The following CCN6 variants were observed in gnomAD, a reference collection of about 807,000 sequenced individuals.
CCN6 encodes CCN family member 6.
In CCN6, 31 loss-of-function variants were observed where a neutral mutation model predicts 37.4. That is an observed-to-expected ratio of 0.83 (90% CI 0.62 to 1.12). The LOEUF (loss-of-function observed/expected upper bound fraction) is 1.12, where lower values mean the gene tolerates loss of function less well. CCN6 is among the 50% of genes most tolerant of loss of function. CCN6 has a pLI of 0.00. For synonymous variants in CCN6, 137 were observed against 142.1 expected (o/e 0.96, Z 0.26); for missense variants, 369 against 413.8 (o/e 0.89, Z 0.94).
At position 112,054,340 on chromosome 6, in the gene CCN6, C is replaced by T. The variant is rs781870071; in HGVS notation, c.-18C>T. ...GCGACTTCTCTACCCCTCAGGGTGG[C>T]TCCACGGTCCCAGCGACATGCAGGG... On this transcript the variant is annotated 5_prime_UTR_variant, in exon 1 of 5. Transcript: ENST00000368666. 9 of 1,613,798 alleles carry T rather than the reference C, an allele frequency of 5.6e-6. No homozygotes were observed. The South Asian group carries it at 9.9e-5, about 18-fold the overall frequency.
In CCN6 at chr6:112,054,330, C is replaced by G; in HGVS notation, c.-28C>G. 1 of 1,613,974 alleles carries G rather than the reference C, an allele frequency of 6.2e-7. No homozygotes were observed. ...TGAACAAGCGGCGACTTCTCTACCC[C>G]TCAGGGTGGCTCCACGGTCCCAGCG... On this transcript the variant is annotated 5_prime_UTR_variant, in exon 1 of 5. Transcript: ENST00000368666.
At position 112,064,766 on chromosome 6, in the gene CCN6, G is replaced by C. The variant is rs782623338; in HGVS notation, c.358G>C (p.Val120Leu). ...ETGVCAYLVA[V>L]GCEFNQVHYH... is the part of the protein sequence containing the mutation. ...TTTTCTCTTTTCAGACCTTGTAGCT[G>C]TTGGGTGCGAGTTCAACCAGGTACA... The change falls in exon 3 of 5, where the codon GTT becomes CTT. Residue 120 changes from valine to leucine, a missense_variant. Val to Leu is a conservative substitution (Grantham distance 32, BLOSUM62 1). Transcript: ENST00000368666. The C allele has an allele frequency of 2.5e-6, 4 of 1,614,028 alleles. No homozygotes were observed. In the South Asian group the frequency reaches 4.4e-5, roughly 18 times the overall value.
intron 1 of CCN6, among the ~76,000 whole-genome samples, chr6:112,055,833 G>T (rs189558150): frequency 5.3e-4 from 80 of 152,186 alleles, no homozygotes; most frequent in African/African-American, 1.7e-3. Flanking sequence ...CAAGTGATCC[G>T]CCCACCTCGG....
rs1554314501 is a variant in CCN6 at position 112,068,291 on chromosome 6, G to A, written c.676G>A (p.Gly226Arg). ...WTPCSRTCGM[G>R]ISNRVTNENS... ...TCCCTGCTCCAGAACATGTGGGATG[G>A]GAATATCTAACAGGGTGACCAATGA... is the stretch of plus-strand genomic sequence containing the variant. The change falls in exon 4 of 5, where the codon GGA becomes AGA. Residue 226 changes from glycine to arginine, a missense_variant. By Grantham distance (125) the Gly-to-Arg change is moderately radical. Coordinates refer to ENST00000368666, the MANE Select transcript of CCN6 (RefSeq NM_198239.2). 1 of 1,613,138 alleles carries A rather than the reference G, an allele frequency of 6.2e-7. No individual in the cohort carries two copies. The highest frequency in any genetic ancestry group is 1.7e-5 in the Admixed American group (1 of 59,900).
Position 112,069,524 on chromosome 6 carries a change from G to T in CCN6, c.969G>T (p.Gly323=), listed in dbSNP as rs1776813146. Residue 323 remains glycine (G), a synonymous_variant, in exon 5 of 5, where the codon GGG becomes GGT. Transcript: ENST00000368666. ...ITIQFDCPNE[G]SFKWKMLWIT... The stretch of plus-strand genomic sequence containing the variant: ...TTCAATTTGATTGCCCAAATGAGGG[G>T]TCATTTAAATGGAAGATGCTGTGGA... 1 of 1,613,566 alleles carries T rather than the reference G, an allele frequency of 6.2e-7. No individual in the cohort carries two copies. The highest frequency in any genetic ancestry group is 8.5e-7 in the Non-Finnish European group (1 of 1,179,668).
chr6:112,065,086 T>C (rs1248283701), intron 3 of CCN6, 89 bp downstream of exon 3: 1 of 1,587,744 alleles, frequency 6.3e-7, no homozygotes, highest in Admixed American at 1.7e-5. Context: ...CAGTAAGTAC[T>C]TGTTGATTGG....
upstream of CCN6, among the ~76,000 whole-genome samples, chr6:112,053,469 G>A (rs1554311088): frequency 6.7e-6 from 1 of 149,216 alleles, no homozygotes; most frequent in Non-Finnish European, 1.5e-5. Flanking sequence ...GCTAATTTTT[G>A]TGTCTTTTTT....
chr6:112,068,547 A>G, intron 4 of CCN6, 149 bp downstream of exon 4: 1 of 786,968 alleles, frequency 1.3e-6, no homozygotes, highest in East Asian at 2.8e-5. Flanking sequence ...ATTTCAGAGG[A>G]AAACAGGTAT....
At chr6:112,067,369 C>G (rs1456141860) in intron 3 of CCN6, among the ~76,000 whole-genome samples, 1 of 152,064 alleles carries the variant, frequency 6.6e-6, no homozygotes, top group Non-Finnish European at 1.5e-5. Flanking sequence ...GGGCCTGATT[C>G]ATTTATAAGA....
At chr6:112,057,864 T>C (rs1776393597) in intron 1 of CCN6, among the ~76,000 whole-genome samples, 1 of 151,864 alleles carries the variant, frequency 6.6e-6, no homozygotes, top group African/African-American at 2.4e-5. Flanking sequence ...ATTGAGAAAG[T>C]GCGTTGAAAA....
Position 112,054,304 on chromosome 6 carries a change from A to G in CCN6, c.-54A>G. ...AGGGGAGCTTTGTGTACCCGGAGCAATGAACAAGCGGCGACTTCTCTACCC... is the reference window on the plus strand; with the variant it reads ...AGGGGAGCTTTGTGTACCCGGAGCAGTGAACAAGCGGCGACTTCTCTACCC... On this transcript the variant is annotated 5_prime_UTR_variant, in exon 1 of 5. It removes an upstream start codon present in the reference 5' UTR. Transcript: ENST00000368666. 4 of 1,614,024 alleles carry G rather than the reference A, an allele frequency of 2.5e-6. No individual in the cohort carries two copies. The highest frequency in any genetic ancestry group is 3.4e-6 in the Non-Finnish European group (4 of 1,179,972).
At chr6:112,058,206 C>CT (rs1554312138) in intron 1 of CCN6, among the ~76,000 whole-genome samples, 1 of 152,194 alleles carries the variant, frequency 6.6e-6, no homozygotes, top group Non-Finnish European at 1.5e-5. Flanking sequence ...AACCCATTCT[C>CT]ACGTTGTGCA....
At chr6:112,056,157 T>C (rs1776342706) in intron 1 of CCN6, among the ~76,000 whole-genome samples, 1 of 152,226 alleles carries the variant, frequency 6.6e-6, no homozygotes, top group Admixed American at 6.5e-5. Context: ...TACCCACATA[T>C]TGACTATGTC....
intron 2 of CCN6, 99 bp downstream of exon 2, chr6:112,061,387 A>T: frequency 6.6e-7 from 1 of 1,526,584 alleles, no homozygotes; most frequent in Non-Finnish European, 9.0e-7. Context: ...TAGTTTGGCT[A>T]AATATGAGGT....
At chr6:112,064,133 C>T (rs998401540) in intron 2 of CCN6, among the ~76,000 whole-genome samples, 7 of 152,116 alleles carry the variant, frequency 4.6e-5, no homozygotes, top group South Asian at 2.1e-4. Context: ...TTTGTAGCAC[C>T]GGTGCAAATA....
At chr6:112,063,953 T>C (rs1452132069) in intron 2 of CCN6, among the ~76,000 whole-genome samples, 1 of 152,244 alleles carries the variant, frequency 6.6e-6, no homozygotes, top group Non-Finnish European at 1.5e-5. Context: ...TATTTGATGA[T>C]TAAGATTTAA....
chr6:112,067,272 C>A (rs1554314215), intron 3 of CCN6, among the ~76,000 whole-genome samples: 1 of 152,020 alleles, frequency 6.6e-6, no homozygotes, highest in African/African-American at 2.4e-5. Context: ...ACCATACTCC[C>A]AAAGCATCCA....
At chr6:112,064,127 T>C (rs1445523538) in intron 2 of CCN6, among the ~76,000 whole-genome samples, 2 of 152,274 alleles carry the variant, frequency 1.3e-5, no homozygotes, top group Middle Eastern at 3.4e-3. Flanking sequence ...GTTGCTTTTG[T>C]AGCACCGGTG....
intron 1 of CCN6, among the ~76,000 whole-genome samples, chr6:112,055,214 A>T (rs916341229): frequency 7.2e-5 from 11 of 152,342 alleles, no homozygotes; most frequent in Non-Finnish European, 1.0e-4. Flanking sequence ...TTGTTATACC[A>T]TATAGAGAGA....
Sources: allele counts gnomAD v4.1 joint callset (sites outside exome capture counted in the v4.1 genomes callset), GRCh38; gene constraint gnomAD v4.1.1; transcripts MANE v1.5; gene names NCBI Gene and HGNC (gene_info 2026-07-23, HGNC 2026-07-21).